The following TRIP12 variants were observed in gnomAD, a reference collection of about 807,000 sequenced individuals.
TRIP12 encodes thyroid hormone receptor interactor 12.
In TRIP12, 25 loss-of-function variants were observed where a neutral mutation model predicts 244.2. The ratio of observed to expected loss-of-function variants is 0.10; its 90% confidence interval spans 0.07 to 0.14. The LOEUF is 0.14. Among genes scored for constraint, TRIP12 ranks in the 10% least tolerant of loss-of-function variants. TRIP12 has a pLI of 1.00. For missense variants in TRIP12, 1,677 were observed against 2,486.4 expected (o/e 0.67, Z 6.92); for synonymous variants, 905 against 873.1 (o/e 1.04, Z -0.64).
rs771895201 is a variant in TRIP12, at chr2:229,774,263, TA to T, written c.5530-3del. 1 of 1,598,812 alleles carries T rather than the reference TA, an allele frequency of 6.3e-7. No individual in the cohort carries two copies. On this transcript the variant is annotated splice_polypyrimidine_tract_variant and splice_region_variant and intron_variant, in intron 37 of 41. Transcript: ENST00000675903. ...TGCATACTGTAGACTCTCTTTGGTC[TA>T]AAAAACACAAATGGGGGAGAAATGG...
intron 19 of TRIP12, 88 bp downstream of exon 19, chr2:229,803,911 A>AT (rs558451349): frequency 1.6e-6 from 2 of 1,234,676 alleles, no homozygotes; most frequent in Non-Finnish European, 2.2e-6. Flanking sequence ...TTTTGTGCAT[A>AT]TTTTTTCTAT....
rs573428900 is a variant in TRIP12 at position 229,911,759 on chromosome 2, T to C, written c.-50+10121A>G. Among the ~76,000 whole-genome samples the C allele has an allele frequency of 1.1e-3, 168 of 152,296 alleles. 2 individuals are homozygous for C. The highest frequency in any genetic ancestry group is 1.6e-4 in the Non-Finnish European group (11 of 68,020). On this transcript the variant is annotated intron_variant, in intron 1 of 41. Transcript: ENST00000675903. ...AATTAAAGGGGTAACAACTCTACTA[T>C]GCAGAGTGCAAAGCGAATATTTTAT...
intron 21 of TRIP12, among the ~76,000 whole-genome samples, chr2:229,801,370 A>C (rs1322399841): frequency 6.6e-6 from 1 of 152,128 alleles, no homozygotes; most frequent in African/African-American, 2.4e-5. Context: ...AATTCCCCTC[A>C]TCCCCTCTCC....
rs192722271 is a variant in TRIP12 at position 229,877,552 on chromosome 2, A to T, written c.98+2430T>A. 3.0e-3 allele frequency among the ~76,000 whole-genome samples: 454 copies of T among 152,288 alleles called. 2 individuals are homozygous for T. The highest frequency in any genetic ancestry group is 0.01 in the African/African-American group (429 of 41,552). ...CGTCTCAAAAAATAAATTAAAAAAAATTTTTTAATCTACATAACACTGATA... is the reference window on the plus strand; with the variant it reads ...CGTCTCAAAAAATAAATTAAAAAAATTTTTTTAATCTACATAACACTGATA... On this transcript the variant is annotated intron_variant, in intron 2 of 41. Coordinates refer to ENST00000675903, the MANE Select transcript of TRIP12 (RefSeq NM_001348323.3).
At chr2:229,788,382 T>C (rs936234649) in intron 32 of TRIP12, among the ~76,000 whole-genome samples, 2 of 152,128 alleles carry the variant, frequency 1.3e-5, no homozygotes, top group African/African-American at 4.8e-5. Context: ...CTGTCTTCCA[T>C]GAAACTGGTC....
intron 2 of TRIP12, among the ~76,000 whole-genome samples, chr2:229,869,410 C>A (rs2062127512): frequency 6.6e-6 from 1 of 152,184 alleles, no homozygotes; most frequent in Non-Finnish European, 1.5e-5. Flanking sequence ...ATTAATGAGA[C>A]CACATGTCAA....
At chr2:229,771,459 A>C in intron 39 of TRIP12, 60 bp downstream of exon 39, 1 of 1,445,866 alleles carries the variant, frequency 6.9e-7, no homozygotes, top group Non-Finnish European at 9.7e-7. Flanking sequence ...ACTAGGCAGC[A>C]CAGAAACACT....
At chr2:229,849,441 C>A (rs756938898) in intron 4 of TRIP12, among the ~76,000 whole-genome samples, 2 of 151,762 alleles carry the variant, frequency 1.3e-5, no homozygotes, top group Non-Finnish European at 2.9e-5. Context: ...CAACAGGGAT[C>A]AAACACTTGG....
In TRIP12 at chr2:229,807,755, G is replaced by A. The variant is rs1375566736; in HGVS notation, c.2449C>T (p.Arg817Trp). Residue 817 changes from arginine to tryptophan, a missense_variant, in exon 17 of 42, where the codon CGG becomes TGG. Physicochemically the swap from Arg to Trp is moderately radical, Grantham distance 101. Transcript: ENST00000675903. ...CTGTTATATGGATGCCAGAGGCCCCGATCATCACGCCACTGCCATATCGCA... is the reference window on the plus strand; with the variant it reads ...CTGTTATATGGATGCCAGAGGCCCCAATCATCACGCCACTGCCATATCGCA... ...DGAIWQWRDD[R>W]GLWHPYNRID... is the part of the protein sequence containing the mutation. 1 of 1,614,088 alleles carries A rather than the reference G, an allele frequency of 6.2e-7. No homozygotes were observed. Among genetic ancestry groups the A allele is most frequent in the Non-Finnish European group, 8.5e-7 (1 of 1,180,004 alleles).
At chr2:229,833,203 A>G (rs1396594214) in intron 6 of TRIP12, among the ~76,000 whole-genome samples, 5 of 152,254 alleles carry the variant, frequency 3.3e-5, no homozygotes, top group African/African-American at 9.6e-5. Context: ...ATCAAAACAT[A>G]AAACCTATAG....
At chr2:229,908,625 G>A (rs1175744155) in intron 1 of TRIP12, among the ~76,000 whole-genome samples, 5 of 151,944 alleles carry the variant, frequency 3.3e-5, no homozygotes, top group Non-Finnish European at 5.9e-5. Flanking sequence ...CCAGCTACTC[G>A]GAGAGGCTGA....
rs1209947998 is a variant in TRIP12, at chr2:229,811,184, G to A, written c.2007C>T (p.Ser669=). The A allele has an allele frequency of 6.2e-7, 1 of 1,613,782 alleles. No individual in the cohort carries two copies. The highest frequency in any genetic ancestry group is 2.2e-5 in the East Asian group (1 of 44,852). ...LTHQDKKSVE[S]TCLCFARLVD... The stretch of plus-strand genomic sequence containing the variant: ...CTAGGCGTGCAAAACAAAGGCAAGT[G>A]CTTTCTACTGACTTTTTATCCTATT... Residue 669 remains serine (S), a synonymous_variant, in exon 14 of 42, where the codon AGC becomes AGT. Coordinates refer to ENST00000675903, the MANE Select transcript of TRIP12 (RefSeq NM_001348323.3).
At position 229,852,151 on chromosome 2, in the gene TRIP12, G is replaced by GT. The variant is rs1333536322; in HGVS notation, c.1027+6620dup. The stretch of plus-strand genomic sequence containing the variant: ...GGAGAATATGAAACTCAAGACAAAA[G>GT]TAAGCTGTTAACTACTGCTATGTTA... On this transcript the variant is annotated intron_variant, in intron 4 of 41. Transcript: ENST00000675903. Among the ~76,000 whole-genome samples, 9 of 152,316 alleles carry GT rather than the reference G, an allele frequency of 5.9e-5. No homozygotes were observed. The East Asian group carries it at 1.4e-3, about 23-fold the overall frequency.
intron 5 of TRIP12, 26 bp downstream of exon 5, chr2:229,840,796 A>G (rs769467594): frequency 1.7e-5 from 24 of 1,436,730 alleles, no homozygotes; most frequent in Non-Finnish European, 2.3e-5. Flanking sequence ...AAATGAACTC[A>G]CTATAAAAAA....
At position 229,771,061 on chromosome 2, in the gene TRIP12, T is replaced by C. The variant is rs1016479882; in HGVS notation, c.5808+458A>G. Among the ~76,000 whole-genome samples, 5 of 152,400 alleles carry C rather than the reference T, an allele frequency of 3.3e-5. No individual in the cohort carries two copies. In the South Asian group the frequency reaches 6.2e-4, roughly 19 times the overall value. ...TTCTTCCATTCTCAGAAGTATTCTC[T>C]GTATTTGGCAATTAGATAATTTATA... is the stretch of plus-strand genomic sequence containing the variant. On this transcript the variant is annotated intron_variant, in intron 39 of 41. Transcript: ENST00000675903.
Position 229,766,424 on chromosome 2 carries a change from A to G in TRIP12, c.*1130T>C, listed in dbSNP as rs2031751021. 2 of 152,240 alleles carry G rather than the reference A, an allele frequency of 1.3e-5. No individual in the cohort carries two copies. Among genetic ancestry groups the G allele is most frequent in the Admixed American group, 1.3e-4 (2 of 15,276 alleles). 9.4% of individuals were successfully genotyped at this position (152,240 alleles called of 1,614,324 possible). A position where few individuals can be genotyped will look rare whatever the true frequency, so the allele number is the denominator to read the frequency against. On this transcript the variant is annotated 3_prime_UTR_variant, in exon 42 of 42. Transcript: ENST00000675903. ...ATTTTCAGGTAAAAACATTAACCTGATGGATTATTGCAGATTTGAGAAATC... is the reference window on the plus strand; with the variant it reads ...ATTTTCAGGTAAAAACATTAACCTGGTGGATTATTGCAGATTTGAGAAATC...
chr2:229,837,009 G>C, intron 5 of TRIP12, 25 bp from the exon 6 acceptor site: 1 of 1,506,986 alleles, frequency 6.6e-7, no homozygotes, highest in Non-Finnish European at 8.8e-7. Context: ...TGTCATCATG[G>C]GCAGCATTAC....
intron 1 of TRIP12, among the ~76,000 whole-genome samples, chr2:229,900,455 C>G (rs755579712): frequency 1.3e-5 from 2 of 152,132 alleles, no homozygotes; most frequent in Non-Finnish European, 2.9e-5. Context: ...ATCCAAATAA[C>G]AGTTTCCATT....
At chr2:229,779,064 G>A in intron 34 of TRIP12, 74 bp from the exon 35 acceptor site, 2 of 1,191,504 alleles carry the variant, frequency 1.7e-6, no homozygotes, top group Non-Finnish European at 2.5e-6. Flanking sequence ...TCTTGGAAAT[G>A]TGCACACTAA....
Sources: gnomAD v4.1 joint callset for allele counts (sites outside exome capture counted in the v4.1 genomes callset) on GRCh38, gnomAD v4.1.1 for gene constraint, MANE v1.5 for transcripts, NCBI Gene and HGNC (gene_info 2026-07-23, HGNC 2026-07-21) for gene names.